Variants in CTNNA3 observed in about 807,000 individuals in gnomAD.
CTNNA3 encodes catenin alpha-3.
In CTNNA3, 76 loss-of-function variants were observed where a neutral mutation model predicts 95.7. The ratio of observed to expected loss-of-function variants is 0.79; its 90% CI spans 0.66 to 0.96. The LOEUF (loss-of-function observed/expected upper bound fraction) is 0.96. Ranked by LOEUF, CTNNA3 falls within the 40% of genes least tolerant of loss-of-function variation. The pLI is 0.00. For synonymous variants in CTNNA3, 431 were observed against 374.4 expected, an observed-to-expected ratio of 1.15 and a Z score of -1.74; for missense variants, 1,191 against 1,089.8, an observed-to-expected ratio of 1.09 and a Z score of -1.31.
At chr10:66,999,090 A>C (rs1207757285) in intron 7 of CTNNA3, among the ~76,000 whole-genome samples, 1 of 152,134 alleles carries the variant, frequency 6.6e-6, no homozygotes, top group African/African-American at 2.4e-5. Flanking sequence ...AAATTGGAAC[A>C]CTATAGAAAC....
chr10:66,164,067 T>G (rs1329264645), intron 13 of CTNNA3, among the ~76,000 whole-genome samples: 1 of 152,138 alleles, frequency 6.6e-6, no homozygotes, highest in Non-Finnish European at 1.5e-5. Flanking sequence ...TTTGAAAAAC[T>G]GTTTGAGAGC....
chr10:66,988,260 T>C (rs1049448805), intron 7 of CTNNA3, among the ~76,000 whole-genome samples: 3 of 152,194 alleles, frequency 2.0e-5, no homozygotes, highest in Admixed American at 2.0e-4. Context: ...ATCATTGAGG[T>C]AGGATTATAT....
chr10:66,792,017 A>G (rs559152789), intron 7 of CTNNA3, among the ~76,000 whole-genome samples: 1 of 152,348 alleles, frequency 6.6e-6, no homozygotes, highest in African/African-American at 2.4e-5. Flanking sequence ...TAATTTTTAA[A>G]GACTCATAAA....
intron 12 of CTNNA3, among the ~76,000 whole-genome samples, chr10:66,333,872 T>C (rs1359226191): frequency 1.3e-5 from 2 of 151,680 alleles, no homozygotes; most frequent in African/African-American, 4.8e-5. Flanking sequence ...CTAAGTCTCT[T>C]TGTAGGTCTC....
At chr10:66,603,985 A>G (rs1589481705) in intron 10 of CTNNA3, among the ~76,000 whole-genome samples, 1 of 152,152 alleles carries the variant, frequency 6.6e-6, no homozygotes, top group East Asian at 1.9e-4. Context: ...TCTAGAAGAC[A>G]ATATTTGGAA....
intron 7 of CTNNA3, among the ~76,000 whole-genome samples, chr10:67,143,314 C>G (rs565440786): frequency 4.0e-5 from 6 of 150,364 alleles, no homozygotes; most frequent in South Asian, 2.1e-4. Context: ...CCCAGCTACT[C>G]GAGAGGCTGG....
intron 9 of CTNNA3, among the ~76,000 whole-genome samples, chr10:66,762,913 T>A: frequency 6.6e-6 from 1 of 152,064 alleles, no homozygotes; most frequent in Non-Finnish European, 1.5e-5. Flanking sequence ...TGATTTTAGA[T>A]TTCTCTGACA....
chr10:66,345,378 C>T (rs2092498411), intron 12 of CTNNA3, among the ~76,000 whole-genome samples: 1 of 152,112 alleles, frequency 6.6e-6, no homozygotes, highest in Non-Finnish European at 1.5e-5. Flanking sequence ...TAAAAATGCT[C>T]ATTTCCATAT....
At chr10:67,242,407 T>A (rs558843957) in intron 5 of CTNNA3, among the ~76,000 whole-genome samples, 11 of 152,262 alleles carry the variant, frequency 7.2e-5, no homozygotes, top group Non-Finnish European at 1.5e-4. Context: ...TTTTGCTTTT[T>A]AGTTTAATTC....
intron 13 of CTNNA3, among the ~76,000 whole-genome samples, chr10:66,224,942 T>A (rs1025904042): frequency 4.6e-5 from 7 of 152,106 alleles, no homozygotes; most frequent in Non-Finnish European, 1.0e-4. Context: ...ATTTATGTCG[T>A]ACAAAATAAT....
chr10:67,408,094 CACAA>C, intron 5 of CTNNA3, among the ~76,000 whole-genome samples: 1 of 152,236 alleles, frequency 6.6e-6, no homozygotes, highest in South Asian at 2.1e-4. Context: ...TCAGAGATGA[CACAA>C]ACAAATGGAA....
intron 9 of CTNNA3, among the ~76,000 whole-genome samples, chr10:66,691,585 TC>T: frequency 6.6e-6 from 1 of 152,156 alleles, no homozygotes; most frequent in Non-Finnish European, 1.5e-5. Context: ...AATGTCCCTC[TC>T]TGACAGCTCT....
intron 15 of CTNNA3, among the ~76,000 whole-genome samples, chr10:66,038,507 C>A (rs1274789604): frequency 1.3e-5 from 2 of 152,122 alleles, no homozygotes; most frequent in Non-Finnish European, 2.9e-5. Context: ...ATTTAAATAA[C>A]CTATGGTCAG....
chr10:66,615,208 G>A (rs1354855582), intron 10 of CTNNA3, among the ~76,000 whole-genome samples: 2 of 151,944 alleles, frequency 1.3e-5, no homozygotes, highest in African/African-American at 4.8e-5. Context: ...CACAAGCTAA[G>A]TATCATAACC....
intron 12 of CTNNA3, among the ~76,000 whole-genome samples, chr10:66,339,641 A>G (rs1005876731): frequency 1.3e-5 from 2 of 151,842 alleles, no homozygotes; most frequent in Non-Finnish European, 3.0e-5. Flanking sequence ...ACAGGGTTAC[A>G]GATAGTTCCT....
At chr10:65,951,498 A>T (rs779213038) in intron 17 of CTNNA3, among the ~76,000 whole-genome samples, 9 of 152,164 alleles carry the variant, frequency 5.9e-5, no homozygotes, top group Non-Finnish European at 1.0e-4. Context: ...CAGAATCATT[A>T]AATCATCACT....
chr10:66,540,615 C>T (rs990584084), intron 10 of CTNNA3, among the ~76,000 whole-genome samples: 3 of 151,808 alleles, frequency 2.0e-5, no homozygotes, highest in Non-Finnish European at 2.9e-5. Context: ...TCTTTAGGTC[C>T]CCTCCCCTCC....
intron 10 of CTNNA3, among the ~76,000 whole-genome samples, chr10:66,602,156 A>C (rs900221730): frequency 2.0e-5 from 3 of 151,892 alleles, no homozygotes; most frequent in Non-Finnish European, 2.9e-5. Context: ...AGAAGTTCTT[A>C]GGATCTATGG....
chr10:67,050,650 C>T (rs968167263), intron 7 of CTNNA3, among the ~76,000 whole-genome samples: 3 of 152,162 alleles, frequency 2.0e-5, no homozygotes, highest in Non-Finnish European at 2.9e-5. Flanking sequence ...TGCCCAGACT[C>T]GTGTCCTGCA....
Sources: gnomAD v4.1 joint callset for allele counts (sites outside exome capture counted in the v4.1 genomes callset) on GRCh38, gnomAD v4.1.1 for gene constraint, MANE v1.5 for transcripts, NCBI Gene and HGNC (gene_info 2026-07-23, HGNC 2026-07-21) for gene names.